Variants in GIGYF2 observed in about 807,000 individuals in gnomAD.
GIGYF2 encodes the protein GRB10 interacting GYF protein 2, also known as GRB10-interacting GYF protein 2.
A neutral mutation model predicts 208.1 loss-of-function variants in GIGYF2; 25 were observed. The ratio of observed to expected loss-of-function variants is 0.12; its 90% CI spans 0.09 to 0.17. GIGYF2 has a LOEUF of 0.17. Among genes scored for constraint, GIGYF2 ranks in the 10% least tolerant of loss-of-function variants. The probability of loss-of-function intolerance (pLI) is 1.00; values close to 1 mark genes in which losing one functional copy is unlikely to be tolerated. For synonymous variants in GIGYF2, 534 were observed against 543.8 expected, an observed-to-expected ratio of 0.98 and a Z score of 0.25; for missense variants, 1,302 against 1,579.4, an observed-to-expected ratio of 0.82 and a Z score of 2.98.
chr2:232,756,195 C>CTT (rs1698531070), intron 5 of GIGYF2, 28 bp from the exon 6 acceptor site: 37 of 1,023,884 alleles, frequency 3.6e-5, no homozygotes, highest in South Asian at 1.4e-4. Flanking sequence ...TTTCCTTTTT[C>CTT]TCTTTTTTTT....
At chr2:232,706,612 T>C (rs2106248029) in intron 2 of GIGYF2, among the ~76,000 whole-genome samples, 1 of 152,238 alleles carries the variant, frequency 6.6e-6, no homozygotes, top group East Asian at 1.9e-4. Context: ...ACCCTGTCTC[T>C]ACTAAAAATA....
chr2:232,815,410 G>A (rs545060288), intron 18 of GIGYF2, among the ~76,000 whole-genome samples: 4 of 152,196 alleles, frequency 2.6e-5, no homozygotes, highest in Non-Finnish European at 5.9e-5. Flanking sequence ...TAAGGATGAA[G>A]TTAATTCCCT....
intron 3 of GIGYF2, among the ~76,000 whole-genome samples, chr2:232,741,356 G>C (rs185541902): frequency 6.6e-6 from 1 of 151,380 alleles, no homozygotes; most frequent in Non-Finnish European, 1.5e-5. Context: ...AATCTCTATT[G>C]CTATCACCTT....
rs2106442244 is a variant in GIGYF2 at position 232,860,317 on chromosome 2, A to G, written c.*3457A>G. On this transcript the variant is annotated 3_prime_UTR_variant, in exon 29 of 29. Coordinates refer to ENST00000373563, the MANE Select transcript of GIGYF2 (RefSeq NM_001103146.3). ...CAGCTTGTTTTTTTTAAATTTTAGGATAGATAATGGTACTTCTGGCTTTAT... is the reference window on the plus strand; with the variant it reads ...CAGCTTGTTTTTTTTAAATTTTAGGGTAGATAATGGTACTTCTGGCTTTAT... 1 of 151,684 alleles carries G rather than the reference A, an allele frequency of 6.6e-6. No homozygotes were observed. The allele number at this position is 151,684 out of a possible 1,614,324, so 9.4% of individuals were successfully genotyped here. A position where few individuals can be genotyped will look rare whatever the true frequency, so the allele number is the denominator to read the frequency against.
chr2:232,747,814 C>G lies in GIGYF2; in HGVS notation c.171+70C>G, dbSNP rs947756589. 1.5e-5 allele frequency: 21 copies of G among 1,397,378 alleles called. No homozygotes were observed. In the African/African-American group the frequency reaches 2.4e-4, roughly 16 times the overall value. The allele number at this position is 1,397,378 out of a possible 1,614,324, so 86.6% of individuals were successfully genotyped here. ...GGATATATACCATGATGTACTGATACATGAAAACTGATTTATTTTACTAAT... is the reference window on the plus strand; with the variant it reads ...GGATATATACCATGATGTACTGATAGATGAAAACTGATTTATTTTACTAAT... On this transcript the variant is annotated intron_variant, in intron 4 of 28. Coordinates refer to ENST00000373563, the MANE Select transcript of GIGYF2 (RefSeq NM_001103146.3).
At chr2:232,698,864 G>A (rs1051657585) in intron 1 of GIGYF2, among the ~76,000 whole-genome samples, 4 of 152,162 alleles carry the variant, frequency 2.6e-5, no homozygotes, top group African/African-American at 7.2e-5. Flanking sequence ...AGACTCTTGA[G>A]GTTTGGGAGG....
chr2:232,803,338 C>A (rs1274417369), intron 14 of GIGYF2, among the ~76,000 whole-genome samples: 1 of 152,098 alleles, frequency 6.6e-6, no homozygotes, highest in Non-Finnish European at 1.5e-5. Flanking sequence ...TTTGATTAAT[C>A]CAATAGATAA....
chr2:232,846,790 A>G (rs1702019767), intron 26 of GIGYF2, among the ~76,000 whole-genome samples: 2 of 152,216 alleles, frequency 1.3e-5, no homozygotes, highest in African/African-American at 4.8e-5. Context: ...AAATTAGGAA[A>G]CAGAGGCTCA....
At chr2:232,845,668 T>G (rs1265456172) in intron 25 of GIGYF2, 64 bp from the exon 26 acceptor site, 7 of 1,346,652 alleles carry the variant, frequency 5.2e-6, no homozygotes, top group African/African-American at 1.4e-5. Context: ...ATTTATGGTG[T>G]TGTACTATAA....
At chr2:232,821,996 G>C (rs1260791088) in intron 21 of GIGYF2, among the ~76,000 whole-genome samples, 1 of 143,656 alleles carries the variant, frequency 7.0e-6, no homozygotes, top group Non-Finnish European at 1.5e-5. Context: ...AAGTTTGCCT[G>C]TCCTTAAATG....
At chr2:232,829,959 A>G (rs1233857402) in intron 21 of GIGYF2, among the ~76,000 whole-genome samples, 5 of 152,008 alleles carry the variant, frequency 3.3e-5, no homozygotes, top group African/African-American at 1.2e-4. Context: ...TCATTCATTC[A>G]TTCGTTTGTT....
intron 1 of GIGYF2, among the ~76,000 whole-genome samples, chr2:232,703,191 A>G (rs1001002456): frequency 2.6e-5 from 4 of 152,214 alleles, no homozygotes; most frequent in Admixed American, 2.0e-4. Flanking sequence ...TGACAGCTTC[A>G]TAAGAATCAC....
intron 3 of GIGYF2, chr2:232,736,509 CT>C (rs1304438423): frequency 1.3e-5 from 2 of 152,030 alleles, no homozygotes; most frequent in Non-Finnish European, 2.9e-5. Context: ...TCAGAAACAT[CT>C]TTTTTTAATC....
At chr2:232,759,545 A>G (rs997449935) in intron 6 of GIGYF2, among the ~76,000 whole-genome samples, 1 of 152,190 alleles carries the variant, frequency 6.6e-6, no homozygotes. Flanking sequence ...TAATTTTTAT[A>G]TGCATCATTC....
At chr2:232,809,348 C>T (rs1700660901) in intron 15 of GIGYF2, among the ~76,000 whole-genome samples, 1 of 152,174 alleles carries the variant, frequency 6.6e-6, no homozygotes, top group Admixed American at 6.5e-5. Flanking sequence ...GATACTTTTA[C>T]ATTTTTCTGT....
intron 5 of GIGYF2, 26 bp from the exon 6 acceptor site, chr2:232,756,197 C>CTTTTTTTTTTTTTTTTTTTTTTTTTTTT: frequency 1.4e-6 from 1 of 709,936 alleles, no homozygotes; most frequent in Non-Finnish European, 2.2e-6. Context: ...TCCTTTTTCT[C>CTTTTTTTTTTTTTTTTTTTTTTTTTTTT]TTTTTTTTTT....
intron 2 of GIGYF2, among the ~76,000 whole-genome samples, chr2:232,715,952 T>C (rs1256637524): frequency 6.6e-6 from 1 of 152,170 alleles, no homozygotes; most frequent in African/African-American, 2.4e-5. Context: ...TTTGTGATAA[T>C]TAAAATACAT....
chr2:232,700,921 T>C (rs1156321006), intron 1 of GIGYF2, among the ~76,000 whole-genome samples: 1 of 152,226 alleles, frequency 6.6e-6, no homozygotes, highest in Non-Finnish European at 1.5e-5. Flanking sequence ...TTACATCTCT[T>C]TAAAACTAGA....
At chr2:232,742,309 G>A (rs1697996430) in intron 3 of GIGYF2, among the ~76,000 whole-genome samples, 1 of 152,212 alleles carries the variant, frequency 6.6e-6, no homozygotes, top group African/African-American at 2.4e-5. Flanking sequence ...GGGAGACTGA[G>A]GCGGGTGGAT....
Sources: gnomAD v4.1 joint callset for allele counts (sites outside exome capture counted in the v4.1 genomes callset) on GRCh38, gnomAD v4.1.1 for gene constraint, MANE v1.5 for transcripts, NCBI Gene and HGNC (gene_info 2026-07-23, HGNC 2026-07-21) for gene names.